The following FBXL17 variants were observed in gnomAD, a reference collection of about 807,000 sequenced individuals.
The protein encoded by FBXL17 is F-box/LRR-repeat protein 17.
In FBXL17, 22 loss-of-function variants were observed where a neutral mutation model predicts 66.2. The ratio of observed to expected loss-of-function variants is 0.33; its 90% CI spans 0.24 to 0.47. FBXL17 has a LOEUF of 0.47. Ranked by LOEUF, FBXL17 falls within the 20% of genes least tolerant of loss-of-function variation. FBXL17 has a pLI of 1.00. For missense variants in FBXL17, 878 were observed against 948.2 expected (o/e 0.93, Z 0.97); for synonymous variants, 474 against 400.5 (o/e 1.18, Z -2.19).
intron 7 of FBXL17, among the ~76,000 whole-genome samples, chr5:107,890,666 G>GAA (rs35872433): frequency 1.4e-4 from 18 of 127,168 alleles, no homozygotes; most frequent in Non-Finnish European, 2.0e-4. Context: ...CTTGTCTTAG[G>GAA]AAAAAAAAAA....
intron 4 of FBXL17, among the ~76,000 whole-genome samples, chr5:108,240,728 C>A (rs1755818715): frequency 6.6e-6 from 1 of 152,158 alleles, no homozygotes; most frequent in Non-Finnish European, 1.5e-5. Flanking sequence ...AGTAGCCAGA[C>A]AGTGATTATA....
intron 6 of FBXL17, among the ~76,000 whole-genome samples, chr5:108,172,153 T>C (rs1195290864): frequency 2.0e-5 from 3 of 152,224 alleles, no homozygotes; most frequent in Admixed American, 6.5e-5. Flanking sequence ...TGTTTGACAG[T>C]TGGTTCTGGC....
chr5:108,168,079 G>A (rs1490396208), intron 6 of FBXL17, among the ~76,000 whole-genome samples: 1 of 152,158 alleles, frequency 6.6e-6, no homozygotes, highest in Non-Finnish European at 1.5e-5. Context: ...TCCTATTTGT[G>A]TGTCAAAATG....
At chr5:108,205,435 A>T (rs1473761799) in intron 5 of FBXL17, among the ~76,000 whole-genome samples, 2 of 152,188 alleles carry the variant, frequency 1.3e-5, no homozygotes, top group Non-Finnish European at 2.9e-5. Flanking sequence ...ACCACTTCAC[A>T]TTCAAGTTTT....
At chr5:108,346,670 A>C (rs1473422224) in intron 4 of FBXL17, among the ~76,000 whole-genome samples, 1 of 152,164 alleles carries the variant, frequency 6.6e-6, no homozygotes, top group Non-Finnish European at 1.5e-5. Context: ...AAAAACTACT[A>C]TGTTTTACAT....
intron 6 of FBXL17, among the ~76,000 whole-genome samples, chr5:108,177,719 T>C (rs1752843415): frequency 6.6e-6 from 1 of 152,002 alleles, no homozygotes; most frequent in Admixed American, 6.6e-5. Flanking sequence ...TCTTGGTTCC[T>C]CTAGTTGTGA....
At chr5:108,329,434 G>A (rs774485230) in intron 4 of FBXL17, among the ~76,000 whole-genome samples, 3 of 152,034 alleles carry the variant, frequency 2.0e-5, no homozygotes, top group Non-Finnish European at 4.4e-5. Flanking sequence ...AAGACCAGGG[G>A]GAATACTTAA....
intron 8 of FBXL17, chr5:107,879,392 GT>G: frequency 3.0e-6 from 3 of 985,450 alleles, no homozygotes; most frequent in Non-Finnish European, 3.6e-6. Flanking sequence ...TCATTTTAAA[GT>G]GGCAGGGTTA....
chr5:108,126,531 A>G (rs1750702374), intron 6 of FBXL17, among the ~76,000 whole-genome samples: 1 of 151,802 alleles, frequency 6.6e-6, no homozygotes, highest in Non-Finnish European at 1.5e-5. Flanking sequence ...TTGACAGTTT[A>G]TATTTTTACC....
At chr5:108,062,575 T>C (rs1747964319) in intron 6 of FBXL17, among the ~76,000 whole-genome samples, 1 of 152,156 alleles carries the variant, frequency 6.6e-6, no homozygotes. Context: ...AACTGAATTC[T>C]ACACTATAGG....
chr5:108,023,355 T>C (rs1754669812), intron 6 of FBXL17, among the ~76,000 whole-genome samples: 1 of 152,166 alleles, frequency 6.6e-6, no homozygotes, highest in Non-Finnish European at 1.5e-5. Flanking sequence ...AAACGTCATA[T>C]ATACTGAGAC....
At chr5:108,301,592 G>A (rs1758590605) in intron 4 of FBXL17, among the ~76,000 whole-genome samples, 1 of 151,672 alleles carries the variant, frequency 6.6e-6, no homozygotes, top group African/African-American at 2.4e-5. Context: ...GTTTTAAATT[G>A]CAGTACCATA....
intron 4 of FBXL17, among the ~76,000 whole-genome samples, chr5:108,301,784 T>C (rs1224102612): frequency 6.6e-6 from 1 of 151,692 alleles, no homozygotes; most frequent in Non-Finnish European, 1.5e-5. Context: ...ATCAAAAATT[T>C]AGAATCCAAA....
At chr5:108,320,869 A>G (rs1442291760) in intron 4 of FBXL17, among the ~76,000 whole-genome samples, 1 of 151,810 alleles carries the variant, frequency 6.6e-6, no homozygotes, top group Non-Finnish European at 1.5e-5. Context: ...ATTTATAGAT[A>G]ATGCTGATTT....
intron 6 of FBXL17, among the ~76,000 whole-genome samples, chr5:108,048,121 C>T (rs1747327806): frequency 6.6e-6 from 1 of 152,190 alleles, no homozygotes; most frequent in African/African-American, 2.4e-5. Flanking sequence ...CTCCAGTCTC[C>T]TTGAGTGACA....
intron 4 of FBXL17, among the ~76,000 whole-genome samples, chr5:108,226,208 C>A (rs1226758157): frequency 1.3e-5 from 2 of 152,208 alleles, no homozygotes; most frequent in East Asian, 3.8e-4. Flanking sequence ...ACCAACCATT[C>A]TGATTTGCCT....
chr5:108,329,626 A>G (rs1468330940), intron 4 of FBXL17, among the ~76,000 whole-genome samples: 1 of 152,160 alleles, frequency 6.6e-6, no homozygotes, highest in Non-Finnish European at 1.5e-5. Flanking sequence ...TTTAACAGCA[A>G]AATACCTTTA....
intron 4 of FBXL17, among the ~76,000 whole-genome samples, chr5:108,323,545 T>C (rs531140193): frequency 4.1e-4 from 63 of 152,110 alleles, no homozygotes; most frequent in Non-Finnish European, 7.2e-4. Flanking sequence ...ACAGGTTCAA[T>C]ACAATCCCTA....
intron 7 of FBXL17, among the ~76,000 whole-genome samples, chr5:107,959,018 A>G (rs964070939): frequency 8.5e-5 from 13 of 152,168 alleles, no homozygotes; most frequent in Non-Finnish European, 1.6e-4. Context: ...AGCATCAGGA[A>G]GTGACTTGAA....
Sources: gnomAD v4.1 joint callset for allele counts (sites outside exome capture counted in the v4.1 genomes callset) on GRCh38, gnomAD v4.1.1 for gene constraint, MANE v1.5 for transcripts, NCBI Gene and HGNC (gene_info 2026-07-23, HGNC 2026-07-21) for gene names.